ANO3: variants seen among roughly 807,000 people sequenced by gnomAD.
ANO3 encodes anoctamin-3.
Under a neutral mutation model 144.8 loss-of-function variants are expected in ANO3, and 99 were observed. The observed-to-expected ratio is 0.68, with a 90% CI of 0.58 to 0.81. The LOEUF is 0.81. ANO3 is among the 30% of genes least tolerant of loss of function. The probability of loss-of-function intolerance (pLI) is 0.00; values close to 1 mark genes in which losing one functional copy is unlikely to be tolerated. For missense variants in ANO3, 905 were observed against 1,202.2 expected, an observed-to-expected ratio of 0.75 and a Z score of 3.66; for synonymous variants, 414 against 392.6, an observed-to-expected ratio of 1.05 and a Z score of -0.64.
chr11:26,367,661 G>C (rs1214589379), intron 1 of ANO3, among the ~76,000 whole-genome samples: 1 of 152,118 alleles, frequency 6.6e-6, no homozygotes, highest in Non-Finnish European at 1.5e-5. Context: ...AGAAATACTT[G>C]AGGCTGGGTA....
chr11:26,206,929 G>C (rs1170347298), intron 1 of ANO3, among the ~76,000 whole-genome samples: 1 of 152,106 alleles, frequency 6.6e-6, no homozygotes, highest in East Asian at 1.9e-4. Flanking sequence ...AGGGATTAAG[G>C]GTTTTTAAAA....
At chr11:26,386,604 A>G (rs1856740627) in intron 1 of ANO3, among the ~76,000 whole-genome samples, 1 of 152,204 alleles carries the variant, frequency 6.6e-6, no homozygotes, top group South Asian at 2.1e-4. Context: ...GATCCAACGT[A>G]CTGAGAAGAA....
chr11:26,208,386 G>C (rs1263901449), intron 1 of ANO3: 1 of 152,234 alleles, frequency 6.6e-6, no homozygotes, highest in African/African-American at 2.4e-5. Flanking sequence ...GGTGGCAGGC[G>C]CCTGTAGTCC....
chr11:26,650,674 A>G (rs1182839328), intron 24 of ANO3, among the ~76,000 whole-genome samples: 6 of 152,200 alleles, frequency 3.9e-5, no homozygotes, highest in Admixed American at 3.3e-4. Context: ...TGAAGCAGCA[A>G]TAATTATTGA....
At chr11:26,468,088 C>A (rs377002042) in intron 4 of ANO3, among the ~76,000 whole-genome samples, 7 of 151,906 alleles carry the variant, frequency 4.6e-5, no homozygotes, top group African/African-American at 1.5e-4. Flanking sequence ...CCTCTCTCCA[C>A]CAAGGAGCCA....
chr11:26,599,797 G>A lies in ANO3; in HGVS notation c.1836+83G>A, dbSNP rs879189540. On this transcript the variant is annotated intron_variant, in intron 17 of 26. Coordinates refer to ENST00000256737, the MANE Select transcript of ANO3 (RefSeq NM_031418.4). ...TCTATGTTTCCTTTATATTTGAAAT[G>A]TATTTACATGGAGCCAAAATAAGAC... The A allele has an allele frequency of 8.6e-6, 11 of 1,273,480 alleles. No homozygotes were observed. In the South Asian group the frequency reaches 1.8e-4, roughly 20 times the overall value. The allele number at this position is 1,273,480 out of a possible 1,614,324, so 78.9% of individuals were successfully genotyped here. A position where few individuals can be genotyped will look rare whatever the true frequency, so the allele number is the denominator to read the frequency against.
In ANO3 at chr11:26,561,205, G is replaced by A. The variant is rs200696532; in HGVS notation, c.1447+1426G>A. 72 of 1,609,412 alleles carry A rather than the reference G, an allele frequency of 4.5e-5. No individual in the cohort carries two copies. In the East Asian group the frequency reaches 1.4e-3, roughly 31 times the overall value. On this transcript the variant is annotated intron_variant, in intron 14 of 26. Coordinates refer to ENST00000256737, the MANE Select transcript of ANO3 (RefSeq NM_031418.4). ...CCAAAACTCACATCATAAGGTTCCGGTGCATTGTCTAATCGCAGAACTAAA... is the reference window on the plus strand; with the variant it reads ...CCAAAACTCACATCATAAGGTTCCGATGCATTGTCTAATCGCAGAACTAAA...
At chr11:26,250,591 C>A (rs1026939576) in intron 1 of ANO3, among the ~76,000 whole-genome samples, 1 of 152,174 alleles carries the variant, frequency 6.6e-6, no homozygotes, top group Non-Finnish European at 1.5e-5. Context: ...ACTTTACCAT[C>A]TGAAAGATAG....
At chr11:26,461,048 T>C (rs376082490) in intron 3 of ANO3, among the ~76,000 whole-genome samples, 29 of 152,024 alleles carry the variant, frequency 1.9e-4, no homozygotes, top group South Asian at 2.1e-4. Context: ...CTTGCTTCTC[T>C]AATAACCAAT....
At chr11:26,442,453 T>C (rs1353323966) in intron 2 of ANO3, among the ~76,000 whole-genome samples, 1 of 152,156 alleles carries the variant, frequency 6.6e-6, no homozygotes, top group Non-Finnish European at 1.5e-5. Context: ...AAATAGAAAA[T>C]GTCATCAGTA....
At chr11:26,430,577 C>T (rs540025486) in intron 1 of ANO3, among the ~76,000 whole-genome samples, 21 of 151,560 alleles carry the variant, frequency 1.4e-4, no homozygotes, top group East Asian at 5.8e-4. Context: ...TAATTCCTAA[C>T]GCAAGAGGTT....
chr11:26,215,105 GGTGT>G (rs1049939512), intron 1 of ANO3, among the ~76,000 whole-genome samples: 23 of 151,912 alleles, frequency 1.5e-4, no homozygotes, highest in African/African-American at 5.3e-4. Context: ...TGAATGAGGT[GGTGT>G]TTGTCAGGTT....
chr11:26,461,239 T>A (rs956151108), intron 3 of ANO3, among the ~76,000 whole-genome samples: 2 of 152,134 alleles, frequency 1.3e-5, no homozygotes, highest in African/African-American at 4.8e-5. Flanking sequence ...AGGGTTTTGG[T>A]AGCTGCTCCA....
At chr11:26,396,540 A>C (rs1395843387) in intron 1 of ANO3, among the ~76,000 whole-genome samples, 1 of 152,198 alleles carries the variant, frequency 6.6e-6, no homozygotes, top group African/African-American at 2.4e-5. Context: ...ACTTGGAACC[A>C]ACCCAAATGC....
chr11:26,314,444 C>T (rs1414916192), intron 1 of ANO3, among the ~76,000 whole-genome samples: 1 of 152,104 alleles, frequency 6.6e-6, no homozygotes, highest in African/African-American at 2.4e-5. Flanking sequence ...TGCTGTTATT[C>T]TACTCATTAC....
At chr11:26,562,811 T>C (rs1441462678) in intron 14 of ANO3, among the ~76,000 whole-genome samples, 4 of 151,984 alleles carry the variant, frequency 2.6e-5, no homozygotes, top group African/African-American at 9.7e-5. Context: ...CTGGTCATTT[T>C]TTCTGAATGT....
At chr11:26,613,383 T>G (rs1445462268) in intron 17 of ANO3, among the ~76,000 whole-genome samples, 1 of 152,168 alleles carries the variant, frequency 6.6e-6, no homozygotes, top group Non-Finnish European at 1.5e-5. Flanking sequence ...ATTCAGATCA[T>G]TGGTTATTTT....
intron 17 of ANO3, among the ~76,000 whole-genome samples, chr11:26,617,243 A>C (rs1299120613): frequency 6.6e-6 from 1 of 152,180 alleles, no homozygotes; most frequent in African/African-American, 2.4e-5. Flanking sequence ...CACACCTTCC[A>C]TAAAATCACA....
intron 4 of ANO3, among the ~76,000 whole-genome samples, chr11:26,501,296 C>T (rs1028049465): frequency 6.6e-6 from 1 of 152,140 alleles, no homozygotes; most frequent in African/African-American, 2.4e-5. Flanking sequence ...TCTGAGCAGG[C>T]CAGAGTCACG....
Sources: gnomAD v4.1 joint callset for allele counts (sites outside exome capture counted in the v4.1 genomes callset) on GRCh38, gnomAD v4.1.1 for gene constraint, MANE v1.5 for transcripts, NCBI Gene and HGNC (gene_info 2026-07-23, HGNC 2026-07-21) for gene names.